Variants in SPATA9 observed in about 807,000 individuals in gnomAD.
The protein encoded by SPATA9 is spermatogenesis associated 9.
A neutral mutation model predicts 25.5 loss-of-function variants in SPATA9; 27 were observed. The observed-to-expected ratio is 1.06, with a 90% CI of 0.78 to 1.46. The LOEUF (loss-of-function observed/expected upper bound fraction) is 1.46. SPATA9 is among the 40% of genes most tolerant of loss of function. The probability of loss-of-function intolerance (pLI) is 0.00; values close to 1 mark genes in which losing one functional copy is unlikely to be tolerated. For missense variants in SPATA9, 282 were observed against 297.5 expected (o/e 0.95, Z 0.38); for synonymous variants, 102 against 105.7 (o/e 0.97, Z 0.21).
the SPATA9 span, among the ~76,000 whole-genome samples, chr5:95,706,704 A>AT: frequency 0.23 from 34,532 of 151,750 alleles, 4,192 homozygotes; most frequent in East Asian, 0.5. Flanking sequence ...TTAAATTATA[A>AT]TTTTTTTCTT....
At chr5:95,705,531 A>G in the SPATA9 span, among the ~76,000 whole-genome samples, 1 of 152,194 alleles carries the variant, frequency 6.6e-6, no homozygotes, top group Non-Finnish European at 1.5e-5. Flanking sequence ...GAACTAAGTG[A>G]TTAAAATTTT....
At chr5:95,682,683 T>C (rs1289048916) in intron 1 of SPATA9, 67 bp from the exon 2 acceptor site, 4 of 1,516,188 alleles carry the variant, frequency 2.6e-6, no homozygotes, top group Non-Finnish European at 3.6e-6. Flanking sequence ...CAAAAGAACA[T>C]GAAACACTTG....
chr5:95,725,214 C>T, the SPATA9 span, among the ~76,000 whole-genome samples: 1 of 152,106 alleles, frequency 6.6e-6, no homozygotes, highest in Non-Finnish European at 1.5e-5. Flanking sequence ...TGCTATTCAG[C>T]AATGAAAAGG....
intron 3 of SPATA9, among the ~76,000 whole-genome samples, chr5:95,673,130 T>A (rs1396248759): frequency 6.6e-6 from 1 of 152,268 alleles, no homozygotes; most frequent in Middle Eastern, 3.4e-3. Context: ...CATCTGTATA[T>A]CTTTTTGGAG....
At chr5:95,690,594 G>A (rs1260607897) in intron 1 of SPATA9, among the ~76,000 whole-genome samples, 3 of 152,166 alleles carry the variant, frequency 2.0e-5, no homozygotes, top group Non-Finnish European at 2.9e-5. Context: ...CCATCACCAT[G>A]CTAATCTAGT....
chr5:95,708,365 T>C, the SPATA9 span, among the ~76,000 whole-genome samples: 1 of 152,096 alleles, frequency 6.6e-6, no homozygotes, highest in Non-Finnish European at 1.5e-5. Flanking sequence ...GGATATGAAA[T>C]CTTAATTCCC....
chr5:95,701,051 A>G (rs569892326), upstream of SPATA9, among the ~76,000 whole-genome samples: 140 of 152,376 alleles, frequency 9.2e-4, no homozygotes, highest in Non-Finnish European at 1.0e-3. Flanking sequence ...TTTTTAAAAT[A>G]GTTAATTAAC....
chr5:95,678,334 G>A (rs1347077906), intron 2 of SPATA9, among the ~76,000 whole-genome samples: 15 of 152,140 alleles, frequency 9.9e-5, no homozygotes, highest in Non-Finnish European at 1.3e-4. Context: ...TGGAGATTGC[G>A]CTATTGTCCT....
the SPATA9 span, among the ~76,000 whole-genome samples, chr5:95,707,781 T>C: frequency 6.6e-6 from 1 of 152,184 alleles, no homozygotes; most frequent in East Asian, 1.9e-4. Flanking sequence ...TCTGTCTGGC[T>C]CTCTTAGCTA....
the SPATA9 span, among the ~76,000 whole-genome samples, chr5:95,704,026 A>T: frequency 1.3e-5 from 2 of 152,144 alleles, no homozygotes; most frequent in African/African-American, 4.8e-5. Flanking sequence ...CAGATACACA[A>T]ATAGAAGACT....
the SPATA9 span, among the ~76,000 whole-genome samples, chr5:95,718,103 A>G: frequency 4.6e-5 from 7 of 152,366 alleles, no homozygotes; most frequent in South Asian, 1.2e-3. Context: ...GGACCATTAT[A>G]CAAGTCTTAA....
intron 1 of SPATA9, among the ~76,000 whole-genome samples, chr5:95,698,076 T>C (rs1754081257): frequency 6.6e-6 from 1 of 152,242 alleles, no homozygotes; most frequent in African/African-American, 2.4e-5. Flanking sequence ...GTACTCAAGC[T>C]TCTTAAGTAA....
chr5:95,667,142 G>GT (rs1751890315), intron 3 of SPATA9, among the ~76,000 whole-genome samples: 1 of 152,144 alleles, frequency 6.6e-6, no homozygotes. Flanking sequence ...ATGGTATTTT[G>GT]TAAATGAAAT....
At chr5:95,719,555 T>C in the SPATA9 span, 1 of 152,216 alleles carries the variant, frequency 6.6e-6, no homozygotes, top group Non-Finnish European at 1.5e-5. Context: ...TTGGTCTAGC[T>C]CTGGAGATTC....
the SPATA9 span, chr5:95,731,694 C>T: frequency 2.5e-6 from 4 of 1,613,154 alleles, no homozygotes; most frequent in Non-Finnish European, 2.5e-6. Context: ...TGTACGTACG[C>T]GCCGCCGTCC....
intron 1 of SPATA9, among the ~76,000 whole-genome samples, chr5:95,695,552 T>C (rs560324776): frequency 6.6e-6 from 1 of 152,236 alleles, no homozygotes; most frequent in East Asian, 1.9e-4. Flanking sequence ...GAGCTGAGAT[T>C]GCGCCACTGC....
At chr5:95,679,287 G>A (rs563724970) in intron 2 of SPATA9, among the ~76,000 whole-genome samples, 1 of 152,268 alleles carries the variant, frequency 6.6e-6, no homozygotes, top group East Asian at 1.9e-4. Flanking sequence ...TTACTACTGT[G>A]CTGGCCTGAG....
chr5:95,721,761 G>C, the SPATA9 span, among the ~76,000 whole-genome samples: 1 of 150,254 alleles, frequency 6.7e-6, no homozygotes, highest in East Asian at 1.9e-4. Context: ...TCTCAGGAGA[G>C]AGTAATCAGC....
chr5:95,676,714 G>A (rs563002814), intron 2 of SPATA9, among the ~76,000 whole-genome samples: 1 of 152,286 alleles, frequency 6.6e-6, no homozygotes, highest in African/African-American at 2.4e-5. Context: ...TGCCTCCTAA[G>A]TGGTTTCTCT....
Sources: allele counts gnomAD v4.1 joint callset (sites outside exome capture counted in the v4.1 genomes callset), GRCh38; gene constraint gnomAD v4.1.1; transcripts MANE v1.5; gene names NCBI Gene and HGNC (gene_info 2026-07-23, HGNC 2026-07-21).